PACRG: variants seen among roughly 807,000 people sequenced by gnomAD.
PACRG encodes parkin coregulated.
PACRG carries 29 observed loss-of-function variants against 29.7 expected under a neutral mutation model. The ratio of observed to expected loss-of-function variants is 0.98; its 90% CI spans 0.73 to 1.33. The LOEUF (loss-of-function observed/expected upper bound fraction) is 1.33, where lower values mean the gene tolerates loss of function less well. Among genes scored for constraint, PACRG ranks in the 40% most tolerant of loss-of-function variants. PACRG has a pLI of 0.00. For missense variants in PACRG, 279 were observed against 316.2 expected (o/e 0.88, Z 0.89); for synonymous variants, 116 against 118.7 (o/e 0.98, Z 0.15).
At chr6:162,728,881 C>G (rs1159147293) in intron 1 of PACRG, among the ~76,000 whole-genome samples, 2 of 152,000 alleles carry the variant, frequency 1.3e-5, no homozygotes, top group Non-Finnish European at 2.9e-5. Context: ...AGCATTTGCT[C>G]TAACAACACT....
chr6:163,269,979 GAAAGA>G (rs1286665599), intron 4 of PACRG, among the ~76,000 whole-genome samples: 1 of 93,696 alleles, frequency 1.1e-5, no homozygotes, highest in Non-Finnish European at 2.2e-5. Context: ...AAGAAAGAAA[GAAAGA>G]AAGAAAGAAA....
intron 2 of PACRG, among the ~76,000 whole-genome samples, chr6:162,979,086 A>T (rs1221952371): frequency 1.3e-5 from 2 of 152,204 alleles, no homozygotes; most frequent in Non-Finnish European, 2.9e-5. Flanking sequence ...TTGTTTTGAT[A>T]ATAACCTGTC....
At chr6:163,184,000 A>T (rs976329510) in intron 4 of PACRG, among the ~76,000 whole-genome samples, 43 of 152,214 alleles carry the variant, frequency 2.8e-4, no homozygotes, top group African/African-American at 1.0e-3. Flanking sequence ...GCTGTACTGG[A>T]GCACATCGAA....
intron 2 of PACRG, among the ~76,000 whole-genome samples, chr6:162,947,599 T>TA (rs1239350273): frequency 2.6e-5 from 2 of 78,080 alleles, no homozygotes; most frequent in African/African-American, 8.9e-5. Context: ...TATAATCATA[T>TA]ATATATATAA....
chr6:163,066,297 C>T (rs767448546), intron 3 of PACRG, among the ~76,000 whole-genome samples: 9 of 152,256 alleles, frequency 5.9e-5, no homozygotes, highest in Admixed American at 1.3e-4. Flanking sequence ...ACATCTTGGG[C>T]GTGATTTTAC....
chr6:163,299,712 C>G (rs1391281407), intron 4 of PACRG, among the ~76,000 whole-genome samples: 2 of 152,178 alleles, frequency 1.3e-5, no homozygotes, highest in Admixed American at 1.3e-4. Context: ...AACCCCGTCT[C>G]TACTAAAAAT....
intron 4 of PACRG, among the ~76,000 whole-genome samples, chr6:163,267,089 G>GTCAC (rs1242158448): frequency 1.3e-5 from 2 of 152,182 alleles, no homozygotes; most frequent in Non-Finnish European, 2.9e-5. Context: ...CTCTGGATAA[G>GTCAC]TCACTGTAGG....
chr6:162,787,747 G>C (rs1322337617), intron 1 of PACRG, among the ~76,000 whole-genome samples: 8 of 151,254 alleles, frequency 5.3e-5, no homozygotes, highest in Admixed American at 5.3e-4. Flanking sequence ...TTTTTGAACA[G>C]AAAACACCAA....
At position 163,232,274 on chromosome 6, in the gene PACRG, A is replaced by C. The variant is rs144374514; in HGVS notation, c.614-82553A>C. Reference sequence around the variant, plus strand: ...TAATAGAGAAGAGTTCACCTGCACCAGGTGCCGTGTCCCGCTGGGGCCTGG... The same window carrying C: ...TAATAGAGAAGAGTTCACCTGCACCCGGTGCCGTGTCCCGCTGGGGCCTGG... On this transcript the variant is annotated intron_variant, in intron 4 of 4. Transcript: ENST00000366888. Among the ~76,000 whole-genome samples, 4 of 152,292 alleles carry C rather than the reference A, an allele frequency of 2.6e-5. No homozygotes were observed. The East Asian group carries it at 7.8e-4, about 30-fold the overall frequency.
At chr6:162,880,776 GA>G (rs1214480030) in intron 2 of PACRG, among the ~76,000 whole-genome samples, 1 of 152,196 alleles carries the variant, frequency 6.6e-6, no homozygotes, top group East Asian at 1.9e-4. Flanking sequence ...GCACCTACCT[GA>G]AATCATCTTC....
intron 2 of PACRG, among the ~76,000 whole-genome samples, chr6:163,048,277 A>AGG (rs1484694236): frequency 6.6e-6 from 1 of 152,194 alleles, no homozygotes; most frequent in African/African-American, 2.4e-5. Flanking sequence ...GAATAATCCT[A>AGG]AAGTTCACCA....
At chr6:163,267,082 T>C (rs1373951137) in intron 4 of PACRG, among the ~76,000 whole-genome samples, 1 of 152,182 alleles carries the variant, frequency 6.6e-6, no homozygotes, top group Admixed American at 6.5e-5. Context: ...GGCAGTACTC[T>C]GGATAAGTCA....
chr6:163,210,793 T>C (rs1781104690), intron 4 of PACRG, among the ~76,000 whole-genome samples: 1 of 152,200 alleles, frequency 6.6e-6, no homozygotes, highest in Admixed American at 6.5e-5. Flanking sequence ...ATGGAAGATA[T>C]AGGACATGTT....
At chr6:163,167,740 T>C (rs1778881194) in intron 4 of PACRG, among the ~76,000 whole-genome samples, 2 of 152,214 alleles carry the variant, frequency 1.3e-5, no homozygotes, top group East Asian at 3.9e-4. Flanking sequence ...ACTTAATAAA[T>C]TGTCTTGATT....
chr6:163,084,549 C>T (rs1051274309), intron 3 of PACRG, among the ~76,000 whole-genome samples: 12 of 152,080 alleles, frequency 7.9e-5, no homozygotes, highest in African/African-American at 2.7e-4. Flanking sequence ...AGTTTTAGAG[C>T]CATTACCTGT....
chr6:163,014,290 T>C (rs1285711694), intron 2 of PACRG, among the ~76,000 whole-genome samples: 1 of 152,240 alleles, frequency 6.6e-6, no homozygotes, highest in Non-Finnish European at 1.5e-5. Context: ...ATGTCTTTGC[T>C]ATTGTGAAAA....
At chr6:162,740,034 A>T (rs377746335) in intron 1 of PACRG, among the ~76,000 whole-genome samples, 28 of 152,204 alleles carry the variant, frequency 1.8e-4, no homozygotes, top group African/African-American at 5.8e-4. Flanking sequence ...AGCCACCAAG[A>T]CAGTACCATC....
chr6:163,313,124 A>G (rs1785501567), intron 4 of PACRG, among the ~76,000 whole-genome samples: 1 of 151,756 alleles, frequency 6.6e-6, no homozygotes, highest in African/African-American at 2.4e-5. Flanking sequence ...ATATATATAT[A>G]TAACATTTTG....
At chr6:163,057,868 AG>A (rs1253059830) in intron 2 of PACRG, among the ~76,000 whole-genome samples, 1 of 152,214 alleles carries the variant, frequency 6.6e-6, no homozygotes, top group Non-Finnish European at 1.5e-5. Flanking sequence ...CATTTAGACA[AG>A]GTACTAGGCC....
Sources: gnomAD v4.1 joint callset for allele counts (sites outside exome capture counted in the v4.1 genomes callset) on GRCh38, gnomAD v4.1.1 for gene constraint, MANE v1.5 for transcripts, NCBI Gene and HGNC (gene_info 2026-07-23, HGNC 2026-07-21) for gene names.